The following EML4 variants were observed in gnomAD, a reference collection of about 807,000 sequenced individuals.
EML4 encodes the protein echinoderm microtubule-associated protein-like 4.
EML4 carries 72 observed loss-of-function variants against 129.0 expected under a neutral mutation model. The observed-to-expected ratio is 0.56, with a 90% CI of 0.46 to 0.68. EML4 has a LOEUF of 0.68. Among genes scored for constraint, EML4 ranks in the 30% least tolerant of loss-of-function variants. The probability of loss-of-function intolerance (pLI) is 0.00; values close to 1 mark genes in which losing one functional copy is unlikely to be tolerated. For synonymous variants in EML4, 532 were observed against 405.0 expected (o/e 1.31, Z -3.77); for missense variants, 1,363 against 1,190.6 (o/e 1.14, Z -2.13).
At chr2:42,292,261 T>G (rs1376587632) in intron 11 of EML4, among the ~76,000 whole-genome samples, 1 of 152,238 alleles carries the variant, frequency 6.6e-6, no homozygotes, top group African/African-American at 2.4e-5. Flanking sequence ...GTCGAACATA[T>G]GCATGCTTTC....
intron 1 of EML4, among the ~76,000 whole-genome samples, chr2:42,172,513 A>G (rs1226404923): frequency 6.6e-6 from 1 of 152,212 alleles, no homozygotes; most frequent in Non-Finnish European, 1.5e-5. Context: ...AAACAAGTGA[A>G]GAATTCTTTT....
chr2:42,182,889 G>T (rs1224297923), intron 1 of EML4, among the ~76,000 whole-genome samples: 1 of 152,120 alleles, frequency 6.6e-6, no homozygotes, highest in Non-Finnish European at 1.5e-5. Flanking sequence ...CCTTTTCTTT[G>T]TGTGTACATA....
chr2:42,170,976 T>C (rs1244112663), intron 1 of EML4, among the ~76,000 whole-genome samples: 1 of 152,216 alleles, frequency 6.6e-6, no homozygotes, highest in African/African-American at 2.4e-5. Context: ...CCCTTTTTCT[T>C]GGGCAGAAAA....
chr2:42,224,828 G>T (rs58063598), intron 1 of EML4, among the ~76,000 whole-genome samples: 3 of 152,006 alleles, frequency 2.0e-5, no homozygotes, highest in African/African-American at 4.8e-5. Flanking sequence ...TTATAGTTCA[G>T]TGTTATTAAG....
chr2:42,291,056 A>G (rs2103657467), intron 11 of EML4, among the ~76,000 whole-genome samples: 1 of 152,356 alleles, frequency 6.6e-6, no homozygotes, highest in East Asian at 1.9e-4. Context: ...ATACAAACAT[A>G]GATCAGTGGA....
chr2:42,233,345 G>A (rs1250942246), intron 1 of EML4, among the ~76,000 whole-genome samples: 1 of 148,086 alleles, frequency 6.8e-6, no homozygotes, highest in Non-Finnish European at 1.5e-5. Flanking sequence ...TCACTCTGTC[G>A]CCCAGGCTGG....
At chr2:42,236,611 A>AT (rs1414316613) in intron 1 of EML4, among the ~76,000 whole-genome samples, 1 of 152,230 alleles carries the variant, frequency 6.6e-6, no homozygotes, top group Non-Finnish European at 1.5e-5. Context: ...AGCCTAAAAT[A>AT]TTTAACTATT....
intron 17 of EML4, among the ~76,000 whole-genome samples, chr2:42,312,032 A>C (rs1668982298): frequency 6.6e-6 from 1 of 152,152 alleles, no homozygotes. Flanking sequence ...TTTTGAAATG[A>C]AAATAATTGG....
intron 2 of EML4, among the ~76,000 whole-genome samples, chr2:42,252,175 G>A (rs1675817787): frequency 6.6e-6 from 1 of 152,178 alleles, no homozygotes; most frequent in Non-Finnish European, 1.5e-5. Flanking sequence ...ACTTTACTGT[G>A]TTAGTCTACA....
intron 1 of EML4, among the ~76,000 whole-genome samples, chr2:42,185,619 A>G (rs923152541): frequency 6.6e-6 from 1 of 152,166 alleles, no homozygotes; most frequent in African/African-American, 2.4e-5. Flanking sequence ...AATATTAATA[A>G]TTGAGTATGG....
chr2:42,196,213 T>G (rs775164667), intron 1 of EML4, among the ~76,000 whole-genome samples: 13 of 152,136 alleles, frequency 8.5e-5, no homozygotes, highest in South Asian at 2.1e-4. Context: ...CATTAATGAG[T>G]GAATTAATAC....
chr2:42,273,694 A>G (rs1666497455), intron 6 of EML4, among the ~76,000 whole-genome samples: 2 of 152,186 alleles, frequency 1.3e-5, no homozygotes. Flanking sequence ...TTTCAGACCC[A>G]AGTTTTATGC....
At chr2:42,314,174 C>A (rs565851362) in intron 17 of EML4, among the ~76,000 whole-genome samples, 4 of 152,222 alleles carry the variant, frequency 2.6e-5, no homozygotes, top group African/African-American at 9.6e-5. Flanking sequence ...GCCTGGCCAA[C>A]ATGGTAAAAC....
At chr2:42,329,658 G>C (rs141648842) in intron 22 of EML4, 76 bp from the exon 23 acceptor site, 3 of 1,245,242 alleles carry the variant, frequency 2.4e-6, no homozygotes, top group Non-Finnish European at 3.5e-6. Flanking sequence ...CCCCCCTTAC[G>C]TATCACCTCC....
chr2:42,250,017 C>G (rs190950868), intron 2 of EML4, among the ~76,000 whole-genome samples: 1 of 152,310 alleles, frequency 6.6e-6, no homozygotes, highest in East Asian at 1.9e-4. Context: ...TATGTCACAG[C>G]TGGTGCCTGG....
intron 1 of EML4, chr2:42,207,990 T>C (rs1326133167): frequency 1.3e-5 from 2 of 152,204 alleles, no homozygotes; most frequent in Non-Finnish European, 2.9e-5. Flanking sequence ...TGCTACAGTA[T>C]TGACACTTTC....
rs1474272414 is a variant in EML4, at chr2:42,330,196, C to A, written c.2935C>A (p.Pro979Thr). Residue 979 changes from proline to threonine, a missense_variant, in exon 23 of 23, where the codon CCC (proline) becomes ACC (threonine). Pro to Thr is a conservative substitution (Grantham distance 38, BLOSUM62 -1). Coordinates refer to ENST00000318522, the MANE Select transcript of EML4 (RefSeq NM_019063.5). ...TLLEDQQDPSPSS is the reference protein window; with the variant it reads ...TLLEDQQDPSTSS ...TCTGGAGGACCAGCAAGACCCTTCG[C>A]CCTCGTCCTAACACCCTGGCTTCAG... 2 of 1,612,664 alleles carry A rather than the reference C, an allele frequency of 1.2e-6. No homozygotes were observed. Among genetic ancestry groups the A allele is most frequent in the Non-Finnish European group, 1.7e-6 (2 of 1,179,818 alleles).
intron 1 of EML4, among the ~76,000 whole-genome samples, chr2:42,227,107 C>G (rs991136039): frequency 6.6e-6 from 1 of 151,948 alleles, no homozygotes; most frequent in African/African-American, 2.4e-5. Context: ...GATGTTCATT[C>G]TTTTTCTTTT....
chr2:42,196,358 G>T (rs1671896339), intron 1 of EML4, among the ~76,000 whole-genome samples: 1 of 152,178 alleles, frequency 6.6e-6, no homozygotes, highest in African/African-American at 2.4e-5. Flanking sequence ...GGTATATATT[G>T]AGGTTAGGAG....
Sources: allele counts gnomAD v4.1 joint callset (sites outside exome capture counted in the v4.1 genomes callset), GRCh38; gene constraint gnomAD v4.1.1; transcripts MANE v1.5; gene names NCBI Gene and HGNC (gene_info 2026-07-23, HGNC 2026-07-21).